DDX10: variants seen among roughly 807,000 people sequenced by gnomAD.
DDX10 encodes DEAD-box helicase 10.
DDX10 carries 74 observed loss-of-function variants against 104.3 expected under a neutral mutation model. That is an observed-to-expected ratio of 0.71 (90% CI 0.59 to 0.86). DDX10 has a LOEUF of 0.86. DDX10 is among the 40% of genes least tolerant of loss of function. The pLI is 0.00. For synonymous variants in DDX10, 351 were observed against 353.4 expected, an observed-to-expected ratio of 0.99 and a Z score of 0.08; for missense variants, 952 against 1,040.0, an observed-to-expected ratio of 0.92 and a Z score of 1.16.
At chr11:108,929,807 A>G (rs189620107) in intron 17 of DDX10, 1 of 152,302 alleles carries the variant, frequency 6.6e-6, no homozygotes, top group Admixed American at 6.5e-5. Context: ...GTTATAATGT[A>G]TTGGGGGTAT....
At position 108,770,794 on chromosome 11, in the gene DDX10, C is replaced by CCAGATCTTAGCTGTTGTAAA. The variant is rs554647082; in HGVS notation, c.1965+47335_1965+47336insATCTTAGCTGTTGTAAACAG. 7.9e-5 allele frequency among the ~76,000 whole-genome samples: 12 copies of CCAGATCTTAGCTGTTGTAAA among 151,812 alleles called. No homozygotes were observed. In the South Asian group the frequency reaches 2.5e-3, roughly 32 times the overall value. On this transcript the variant is annotated intron_variant, in intron 13 of 17. Coordinates refer to ENST00000322536, the MANE Select transcript of DDX10 (RefSeq NM_004398.4). The stretch of plus-strand genomic sequence containing the variant: ...CTGTTGATGGACACTTAGGTTGCTT[C>CCAGATCTTAGCTGTTGTAAA]CAGTGTTGCAACAAACATTGGGAGT...
chr11:108,689,362 A>C (rs2094248952), intron 7 of DDX10, among the ~76,000 whole-genome samples: 1 of 151,904 alleles, frequency 6.6e-6, no homozygotes, highest in Non-Finnish European at 1.5e-5. Flanking sequence ...ATAATCTGAT[A>C]CCTCCCTTAC....
intron 15 of DDX10, among the ~76,000 whole-genome samples, chr11:108,851,420 T>C (rs1862791375): frequency 6.6e-6 from 1 of 152,156 alleles, no homozygotes; most frequent in African/African-American, 2.4e-5. Flanking sequence ...CACAGATTGT[T>C]TAGAAACTGC....
rs993462416 is a variant in DDX10 at position 108,815,684 on chromosome 11, A to AT, written c.1966-22754dup. Among the ~76,000 whole-genome samples, 18 of 152,074 alleles carry AT rather than the reference A, an allele frequency of 1.2e-4. No homozygotes were observed. The South Asian group carries it at 2.5e-3, about 21-fold the overall frequency. Reference sequence around the variant, plus strand: ...ATTAAAATGCTTTGGATTTCTTTTGATTTTTTTTCTAATAAACACAGTGAT... The same window carrying AT: ...ATTAAAATGCTTTGGATTTCTTTTGATTTTTTTTTCTAATAAACACAGTGAT... On this transcript the variant is annotated intron_variant, in intron 13 of 17. Coordinates refer to ENST00000322536, the MANE Select transcript of DDX10 (RefSeq NM_004398.4).
chr11:108,743,069 A>G (rs1253828663), intron 13 of DDX10, among the ~76,000 whole-genome samples: 1 of 152,132 alleles, frequency 6.6e-6, no homozygotes, highest in Non-Finnish European at 1.5e-5. Flanking sequence ...GCTGGTTGAG[A>G]CACAACAAAA....
intron 11 of DDX10, among the ~76,000 whole-genome samples, chr11:108,716,709 G>T (rs1272640767): frequency 6.6e-6 from 1 of 152,080 alleles, no homozygotes; most frequent in Admixed American, 6.5e-5. Flanking sequence ...TTTATGACTT[G>T]TTGTTCCCCA....
chr11:108,812,755 G>A (rs1013208951), intron 13 of DDX10, among the ~76,000 whole-genome samples: 1 of 152,064 alleles, frequency 6.6e-6, no homozygotes, highest in Non-Finnish European at 1.5e-5. Context: ...GCTGAGGTGG[G>A]TGGATCACGT....
intron 13 of DDX10, among the ~76,000 whole-genome samples, chr11:108,728,930 A>G (rs926870480): frequency 1.2e-4 from 19 of 152,116 alleles, no homozygotes; most frequent in African/African-American, 4.1e-4. Flanking sequence ...ATTAACCTTT[A>G]TTTAACCATT....
At chr11:108,785,002 G>A (rs909497331) in intron 13 of DDX10, among the ~76,000 whole-genome samples, 1 of 152,130 alleles carries the variant, frequency 6.6e-6, no homozygotes, top group Non-Finnish European at 1.5e-5. Flanking sequence ...GATGGTTGTA[G>A]GTGTGTGGGT....
chr11:108,832,657 T>A (rs1375457793), intron 13 of DDX10, among the ~76,000 whole-genome samples: 1 of 152,232 alleles, frequency 6.6e-6, no homozygotes, highest in Non-Finnish European at 1.5e-5. Context: ...AATAATATAC[T>A]TAGCTGCAGA....
intron 17 of DDX10, among the ~76,000 whole-genome samples, chr11:108,927,879 A>G (rs952728729): frequency 6.6e-6 from 1 of 152,080 alleles, no homozygotes; most frequent in African/African-American, 2.4e-5. Context: ...ACCTCAGGCA[A>G]CTGCCTGCCT....
chr11:108,895,649 G>C (rs986613264), intron 16 of DDX10, among the ~76,000 whole-genome samples: 8 of 151,920 alleles, frequency 5.3e-5, no homozygotes, highest in African/African-American at 1.9e-4. Flanking sequence ...TGTAGCACTA[G>C]TCTTTAGTAA....
At chr11:108,915,092 A>G (rs1332862901) in intron 16 of DDX10, among the ~76,000 whole-genome samples, 2 of 152,194 alleles carry the variant, frequency 1.3e-5, no homozygotes, top group African/African-American at 4.8e-5. Flanking sequence ...AGAGACATAA[A>G]CATATTTGAA....
chr11:108,814,139 G>GTA (rs1565286985), intron 13 of DDX10, among the ~76,000 whole-genome samples: 6 of 152,094 alleles, frequency 3.9e-5, no homozygotes, highest in Non-Finnish European at 5.9e-5. Context: ...AGGAAGTATA[G>GTA]GGTAATATGT....
At chr11:108,792,758 G>T (rs1861888403) in intron 13 of DDX10, among the ~76,000 whole-genome samples, 1 of 151,862 alleles carries the variant, frequency 6.6e-6, no homozygotes, top group Non-Finnish European at 1.5e-5. Context: ...TATATATTTT[G>T]TAATAAGCCT....
chr11:108,897,506 G>C (rs958131660), intron 16 of DDX10, among the ~76,000 whole-genome samples: 1 of 151,982 alleles, frequency 6.6e-6, no homozygotes, highest in Non-Finnish European at 1.5e-5. Flanking sequence ...AAGGATTTAC[G>C]TCTCCAAGGG....
rs78280259 is a variant in DDX10 at position 108,793,179 on chromosome 11, T to C, written c.1966-45267T>C. Among the ~76,000 whole-genome samples the C allele has an allele frequency of 1.2e-3, 183 of 152,278 alleles. 2 individuals are homozygous for C. The highest frequency in any genetic ancestry group is 4.3e-3 in the African/African-American group (177 of 41,560). Reference sequence around the variant, plus strand: ...TCTGTTGGCCATGAGGCACCCTTTTTCTCTCAGGTGACACTCCACTGATAT... The same window carrying C: ...TCTGTTGGCCATGAGGCACCCTTTTCCTCTCAGGTGACACTCCACTGATAT... On this transcript the variant is annotated intron_variant, in intron 13 of 17. Transcript: ENST00000322536.
At chr11:108,827,164 A>G (rs1430367807) in intron 13 of DDX10, among the ~76,000 whole-genome samples, 2 of 152,242 alleles carry the variant, frequency 1.3e-5, no homozygotes, top group African/African-American at 2.4e-5. Context: ...GGTAGTCCAT[A>G]TGTAGTTTAT....
At chr11:108,753,309 T>G (rs2094340804) in intron 13 of DDX10, among the ~76,000 whole-genome samples, 1 of 152,126 alleles carries the variant, frequency 6.6e-6, no homozygotes, top group African/African-American at 2.4e-5. Context: ...TCACATTTGC[T>G]TAGTTTTAGA....
Sources: allele counts gnomAD v4.1 joint callset (sites outside exome capture counted in the v4.1 genomes callset), GRCh38; gene constraint gnomAD v4.1.1; transcripts MANE v1.5; gene names NCBI Gene and HGNC (gene_info 2026-07-23, HGNC 2026-07-21).